DNAJC7: variants seen among roughly 807,000 people sequenced by gnomAD.
The protein encoded by DNAJC7 is dnaJ homolog subfamily C member 7.
In DNAJC7, 18 loss-of-function variants were observed where a neutral mutation model predicts 67.4. That is an observed-to-expected ratio of 0.27 (90% CI 0.18 to 0.40). DNAJC7 has a LOEUF of 0.40. Among genes scored for constraint, DNAJC7 ranks in the 10% least tolerant of loss-of-function variants. The pLI is 1.00. For synonymous variants in DNAJC7, 220 were observed against 207.8 expected (o/e 1.06, Z -0.50); for missense variants, 419 against 613.8 (o/e 0.68, Z 3.35).
intron 1 of DNAJC7, among the ~76,000 whole-genome samples, chr17:42,004,086 C>T (rs2051883423): frequency 6.6e-6 from 1 of 150,964 alleles, no homozygotes; most frequent in African/African-American, 2.4e-5. Flanking sequence ...TCCCGAGTAG[C>T]TGGGATTACA....
chr17:42,016,994 G>C, intron 1 of DNAJC7: 3 of 1,268,318 alleles, frequency 2.4e-6, no homozygotes, highest in Non-Finnish European at 3.0e-6. Context: ...CGGGGGTCGG[G>C]GGCGATGTAA....
rs1171447640 is a variant in DNAJC7, at chr17:41,977,401, G to A, written c.1385-78C>T. On this transcript the variant is annotated intron_variant, in intron 12 of 13. Transcript: ENST00000457167. ...ATGTTCGAAGAGAACTGATGACACT[G>A]AGAACAGATCTCCAAAGCTTTCCTG... The A allele has an allele frequency of 3.1e-6, 4 of 1,305,746 alleles. No homozygotes were observed. In the African/African-American group the frequency reaches 5.9e-5, roughly 19 times the overall value. 80.9% of individuals were successfully genotyped at this position (1,305,746 alleles called of 1,614,324 possible). A position where few individuals can be genotyped will look rare whatever the true frequency, so the allele number is the denominator to read the frequency against.
chr17:42,012,535 T>G (rs1450931862), intron 1 of DNAJC7, among the ~76,000 whole-genome samples: 2 of 152,174 alleles, frequency 1.3e-5, no homozygotes, highest in African/African-American at 4.8e-5. Context: ...AAAGACTCCC[T>G]ATAGAGATCA....
At chr17:41,981,411 G>A (rs2051247602) in intron 12 of DNAJC7, among the ~76,000 whole-genome samples, 1 of 152,158 alleles carries the variant, frequency 6.6e-6, no homozygotes, top group Non-Finnish European at 1.5e-5. Context: ...GGCCAGGCTG[G>A]TCTCAAACTC....
intron 1 of DNAJC7, among the ~76,000 whole-genome samples, chr17:42,009,626 G>T (rs1403708714): frequency 5.3e-5 from 8 of 152,152 alleles, no homozygotes; most frequent in African/African-American, 1.9e-4. Context: ...TTATCCCTGG[G>T]GAGAGGAGAC....
At position 41,994,937 on chromosome 17, in the gene DNAJC7, T is replaced by C; in HGVS notation, c.413A>G (p.Asn138Ser). The change falls in exon 5 of 14, where the codon AAT becomes AGT. Residue 138 changes from asparagine to serine, a missense_variant. Around this residue, in one of 4 missense-constraint regions of DNAJC7, gnomAD observed 179 missense variants for 249.7 expected, o/e 0.72. Coordinates refer to ENST00000457167, the MANE Select transcript of DNAJC7 (RefSeq NM_003315.4). ...KNAQAQQEFK[N>S]ANAVMEYEKI... ...CTCATATTCCATGACTGCATTAGCA[T>C]TCTTGAACTGCACCGGAAAATCAGA... 6.2e-7 allele frequency: 1 copy of C among 1,613,392 alleles called. No homozygotes were observed. Among genetic ancestry groups the C allele is most frequent in the South Asian group, 1.1e-5 (1 of 90,974 alleles).
chr17:41,991,433 G>GA (rs1185806428), intron 5 of DNAJC7, among the ~76,000 whole-genome samples: 45 of 152,098 alleles, frequency 3.0e-4, no homozygotes, highest in African/African-American at 1.1e-3. Context: ...TACTAATATG[G>GA]AAAGACTTCC....
chr17:41,993,760 G>A (rs948763742), intron 5 of DNAJC7, among the ~76,000 whole-genome samples: 10 of 152,138 alleles, frequency 6.6e-5, no homozygotes, highest in Non-Finnish European at 5.9e-5. Context: ...ACTTTTGGCC[G>A]GGGAGGTGGC....
chr17:42,000,047 G>T (rs1006350458), intron 2 of DNAJC7, among the ~76,000 whole-genome samples: 1 of 145,976 alleles, frequency 6.9e-6, no homozygotes, highest in Non-Finnish European at 1.5e-5. Context: ...TGAAACCCCT[G>T]ATCTAAAGTG....
rs533876819 is a variant in DNAJC7, at chr17:41,977,034, C to T, written c.1447+227G>A. The stretch of plus-strand genomic sequence containing the variant: ...CTTGGTACTAGGCAGTTAGAGATGC[C>T]TCCCTGACCCTGCAGAGATGCGGTG... On this transcript the variant is annotated intron_variant, in intron 13 of 13. Coordinates refer to ENST00000457167, the MANE Select transcript of DNAJC7 (RefSeq NM_003315.4). 4.1e-5 allele frequency: 26 copies of T among 640,668 alleles called. 1 individual carries two copies. In the South Asian group the frequency reaches 5.2e-4, roughly 13 times the overall value. 39.7% of individuals were successfully genotyped at this position (640,668 alleles called of 1,614,324 possible).
At chr17:42,005,206 A>G (rs2051915372) in intron 1 of DNAJC7, among the ~76,000 whole-genome samples, 2 of 152,238 alleles carry the variant, frequency 1.3e-5, no homozygotes, top group South Asian at 2.1e-4. Flanking sequence ...ATCATTTGGT[A>G]TCACACAGGT....
chr17:42,017,167 AC>A, intron 1 of DNAJC7, 172 bp downstream of exon 1: 1 of 1,513,696 alleles, frequency 6.6e-7, no homozygotes, highest in Non-Finnish European at 8.8e-7. Context: ...AGGAAGGCCG[AC>A]CCCCAAGAGC....
At chr17:41,995,294 T>G (rs2051626440) in intron 4 of DNAJC7, among the ~76,000 whole-genome samples, 2 of 152,218 alleles carry the variant, frequency 1.3e-5, no homozygotes, top group African/African-American at 4.8e-5. Flanking sequence ...ACAGAAGGGC[T>G]AGACCCAATC....
intron 9 of DNAJC7, 32 bp downstream of exon 9, chr17:41,987,787 C>G (rs1567958040): frequency 6.4e-7 from 1 of 1,564,778 alleles, no homozygotes; most frequent in East Asian, 2.3e-5. Context: ...AGCGGCAACT[C>G]CCTCTTCCCC....
chr17:41,998,170 ACT>A (rs1489642194), intron 2 of DNAJC7, among the ~76,000 whole-genome samples: 3 of 150,810 alleles, frequency 2.0e-5, no homozygotes, highest in Non-Finnish European at 4.4e-5. Flanking sequence ...GCCCTGACAC[ACT>A]CTCTTTAGAA....
intron 1 of DNAJC7, among the ~76,000 whole-genome samples, chr17:42,012,714 T>G (rs1555651192): frequency 6.6e-6 from 1 of 152,224 alleles, no homozygotes; most frequent in African/African-American, 2.4e-5. Context: ...GCTTTGCCTG[T>G]TTTGGTGAGC....
At chr17:41,995,009 A>T (rs781980542) in intron 4 of DNAJC7, 65 bp from the exon 5 acceptor site, 1 of 1,371,390 alleles carries the variant, frequency 7.3e-7, no homozygotes, top group South Asian at 1.2e-5. Flanking sequence ...CCACAAAAAA[A>T]TTAACAAGGC....
intron 1 of DNAJC7, chr17:42,015,530 G>A (rs925050720): frequency 6.6e-6 from 1 of 152,080 alleles, no homozygotes. Context: ...GATTTACAAT[G>A]AGTAGGGTGA....
chr17:41,991,069 G>A (rs2051501359), intron 5 of DNAJC7, among the ~76,000 whole-genome samples: 1 of 152,170 alleles, frequency 6.6e-6, no homozygotes, highest in South Asian at 2.1e-4. Context: ...ACACAAAAAG[G>A]TGGGGATTAA....
Sources: allele counts gnomAD v4.1 joint callset (sites outside exome capture counted in the v4.1 genomes callset), GRCh38; gene constraint gnomAD v4.1.1; regional missense constraint gnomAD v4.1.1; transcripts MANE v1.5; gene names NCBI Gene and HGNC (gene_info 2026-07-23, HGNC 2026-07-21).